Variants in ARB2A observed in about 807,000 individuals in gnomAD.
ARB2A encodes the protein ARB2 cotranscriptional regulator A.
chr5:93,712,381 C>T, the ARB2A span, among the ~76,000 whole-genome samples: 1 of 152,118 alleles, frequency 6.6e-6, no homozygotes, highest in Non-Finnish European at 1.5e-5. Context: ...CAAAGATCCT[C>T]AAGGCAAATG....
At chr5:93,789,790 C>A in the ARB2A span, among the ~76,000 whole-genome samples, 1 of 152,104 alleles carries the variant, frequency 6.6e-6, no homozygotes, top group African/African-American at 2.4e-5. Context: ...CAAGTCTATC[C>A]CAACAGAATG....
chr5:93,909,453 A>T, the ARB2A span, among the ~76,000 whole-genome samples: 1 of 150,976 alleles, frequency 6.6e-6, no homozygotes, highest in Admixed American at 6.6e-5. Flanking sequence ...AATGTTATTG[A>T]TCTCTACAAA....
chr5:93,831,515 G>C, the ARB2A span, among the ~76,000 whole-genome samples: 1 of 152,156 alleles, frequency 6.6e-6, no homozygotes, highest in African/African-American at 2.4e-5. Flanking sequence ...GATGAGACAG[G>C]CAATGCAGCC....
chr5:93,657,116 G>A, the ARB2A span, among the ~76,000 whole-genome samples: 1 of 152,164 alleles, frequency 6.6e-6, no homozygotes, highest in Non-Finnish European at 1.5e-5. Flanking sequence ...TCTGAGATAA[G>A]ATGGATGGAA....
At chr5:94,033,598 T>C in the ARB2A span, among the ~76,000 whole-genome samples, 1 of 152,154 alleles carries the variant, frequency 6.6e-6, no homozygotes, top group Admixed American at 6.5e-5. Context: ...CTAATTTTTG[T>C]ATTTTTTGCA....
At chr5:93,968,345 G>T in the ARB2A span, among the ~76,000 whole-genome samples, 14 of 152,054 alleles carry the variant, frequency 9.2e-5, no homozygotes, top group African/African-American at 3.4e-4. Flanking sequence ...GGAACAGATG[G>T]GTAATGTAAG....
At chr5:94,035,554 G>A in the ARB2A span, among the ~76,000 whole-genome samples, 1 of 152,068 alleles carries the variant, frequency 6.6e-6, no homozygotes, top group African/African-American at 2.4e-5. Flanking sequence ...ACTGGCCATT[G>A]TTTTTATCCT....
the ARB2A span, among the ~76,000 whole-genome samples, chr5:93,896,468 G>T: frequency 6.6e-6 from 1 of 151,994 alleles, no homozygotes; most frequent in East Asian, 1.9e-4. Context: ...AAATGTAAAT[G>T]AATTTTGTGT....
the ARB2A span, among the ~76,000 whole-genome samples, chr5:93,896,689 T>C: frequency 6.6e-6 from 1 of 152,062 alleles, no homozygotes; most frequent in Non-Finnish European, 1.5e-5. Context: ...TGGAATTAAC[T>C]AGCATTTCAA....
the ARB2A span, among the ~76,000 whole-genome samples, chr5:93,723,972 A>G: frequency 6.6e-6 from 1 of 152,112 alleles, no homozygotes; most frequent in African/African-American, 2.4e-5. Flanking sequence ...TTAGAGCAAG[A>G]GTCATAACTG....
At chr5:93,671,979 CT>C in the ARB2A span, among the ~76,000 whole-genome samples, 1 of 152,138 alleles carries the variant, frequency 6.6e-6, no homozygotes, top group Non-Finnish European at 1.5e-5. Flanking sequence ...GAGATAGTAA[CT>C]TTGAGGAATG....
At chr5:93,786,762 C>T in the ARB2A span, among the ~76,000 whole-genome samples, 22 of 152,316 alleles carry the variant, frequency 1.4e-4, no homozygotes, top group South Asian at 3.9e-3. Context: ...GTCTGGGTCA[C>T]AGTCCCCCCT....
At chr5:94,027,803 T>C in the ARB2A span, among the ~76,000 whole-genome samples, 3 of 152,198 alleles carry the variant, frequency 2.0e-5, no homozygotes, top group Non-Finnish European at 4.4e-5. Flanking sequence ...AGGGGGTTCA[T>C]GGGACCTGAA....
chr5:93,829,782 A>T, the ARB2A span, among the ~76,000 whole-genome samples: 1 of 152,332 alleles, frequency 6.6e-6, no homozygotes, highest in Non-Finnish European at 1.5e-5. Context: ...TTAGGCTTTG[A>T]TAATTTATCT....
chr5:93,919,379 A>G, the ARB2A span, among the ~76,000 whole-genome samples: 2 of 152,156 alleles, frequency 1.3e-5, no homozygotes, highest in Non-Finnish European at 2.9e-5. Context: ...AGAAGAATCA[A>G]TTTTTTAAAT....
At chr5:93,924,260 G>C in the ARB2A span, among the ~76,000 whole-genome samples, 1 of 152,052 alleles carries the variant, frequency 6.6e-6, no homozygotes, top group Admixed American at 6.5e-5. Flanking sequence ...AAGGGAGCAA[G>C]GAAGCAAAAG....
chr5:94,047,659 G>T, the ARB2A span, among the ~76,000 whole-genome samples: 1 of 152,040 alleles, frequency 6.6e-6, no homozygotes. Context: ...CAAATATTTT[G>T]ATTCTTATCG....
chr5:93,795,984 A>ATGCATC, the ARB2A span, among the ~76,000 whole-genome samples: 1 of 152,214 alleles, frequency 6.6e-6, no homozygotes, highest in African/African-American at 2.4e-5. Context: ...TCAAAACTAA[A>ATGCATC]TGCATCTAAG....
the ARB2A span, among the ~76,000 whole-genome samples, chr5:93,682,299 A>C: frequency 6.6e-6 from 1 of 151,942 alleles, no homozygotes; most frequent in African/African-American, 2.4e-5. Context: ...CACTGGAAAA[A>C]ATGTGTGTGG....
Sources: allele counts gnomAD v4.1 joint callset (sites outside exome capture counted in the v4.1 genomes callset), GRCh38; gene constraint gnomAD v4.1.1; transcripts MANE v1.5; gene names NCBI Gene and HGNC (gene_info 2026-07-23, HGNC 2026-07-21).